The following HDAC9 variants were observed in gnomAD, a reference collection of about 807,000 sequenced individuals.
The protein encoded by HDAC9 is histone deacetylase 9.
HDAC9 carries 41 observed loss-of-function variants against 139.4 expected under a neutral mutation model. The ratio of observed to expected loss-of-function variants is 0.29; its 90% CI spans 0.23 to 0.38. The LOEUF is 0.38. Among genes scored for constraint, HDAC9 ranks in the 10% least tolerant of loss-of-function variants. The pLI, the probability that HDAC9 is intolerant of heterozygous loss-of-function variation, is 1.00. For synonymous variants in HDAC9, 517 were observed against 476.2 expected, an observed-to-expected ratio of 1.09 and a Z score of -1.12; for missense variants, 1,147 against 1,297.0, an observed-to-expected ratio of 0.88 and a Z score of 1.78.
chr7:18,092,193 C>G (rs1782204078), intron 1 of HDAC9, among the ~76,000 whole-genome samples: 1 of 152,046 alleles, frequency 6.6e-6, no homozygotes, highest in Non-Finnish European at 1.5e-5. Flanking sequence ...CAAGATCAGC[C>G]TGGGCAACAT....
At chr7:18,526,407 G>A (rs1212987952) in intron 2 of HDAC9, among the ~76,000 whole-genome samples, 2 of 152,128 alleles carry the variant, frequency 1.3e-5, no homozygotes, top group Non-Finnish European at 2.9e-5. Flanking sequence ...TATGAGCAAT[G>A]GAAACTTTTG....
intron 1 of HDAC9, among the ~76,000 whole-genome samples, chr7:18,413,097 A>G (rs995974549): frequency 3.9e-5 from 6 of 152,200 alleles, no homozygotes; most frequent in African/African-American, 1.4e-4. Context: ...AAAGGCATTC[A>G]TTAGTTTTAG....
At chr7:18,094,740 G>A (rs1232844680) in intron 1 of HDAC9, among the ~76,000 whole-genome samples, 1 of 152,074 alleles carries the variant, frequency 6.6e-6, no homozygotes, top group African/African-American at 2.4e-5. Context: ...ACAAATGTGA[G>A]CCACCGTGCC....
chr7:18,510,331 A>T (rs1009243473), intron 2 of HDAC9, among the ~76,000 whole-genome samples: 2 of 152,230 alleles, frequency 1.3e-5, no homozygotes, highest in African/African-American at 2.4e-5. Context: ...GTGAAATGTG[A>T]AATAGCTAAT....
intron 1 of HDAC9, among the ~76,000 whole-genome samples, chr7:18,126,598 C>G (rs1784687539): frequency 6.6e-6 from 1 of 152,202 alleles, no homozygotes; most frequent in Non-Finnish European, 1.5e-5. Context: ...GGTGAGCTCT[C>G]TCCTGCTGAG....
intron 2 of HDAC9, among the ~76,000 whole-genome samples, chr7:18,550,676 G>A (rs1373664583): frequency 1.3e-5 from 2 of 152,158 alleles, no homozygotes; most frequent in Admixed American, 1.3e-4. Context: ...TGATCTGAGC[G>A]ATGCATTTTC....
At chr7:18,569,991 G>T (rs1265124067) in intron 2 of HDAC9, among the ~76,000 whole-genome samples, 1 of 152,094 alleles carries the variant, frequency 6.6e-6, no homozygotes, top group Non-Finnish European at 1.5e-5. Flanking sequence ...CAAAATTTAT[G>T]AATAATACAC....
intron 25 of HDAC9, among the ~76,000 whole-genome samples, chr7:18,995,594 A>G (rs1786399810): frequency 6.6e-6 from 1 of 152,244 alleles, no homozygotes; most frequent in Admixed American, 6.5e-5. Flanking sequence ...ATGAAAGAAC[A>G]GAAGCAAAAA....
intron 2 of HDAC9, among the ~76,000 whole-genome samples, chr7:18,512,513 A>G (rs1801844838): frequency 6.6e-6 from 1 of 152,206 alleles, no homozygotes; most frequent in Admixed American, 6.5e-5. Context: ...GCTCAGGAAT[A>G]GGAAGACTAC....
chr7:18,790,003 A>G (rs189492173), intron 16 of HDAC9, among the ~76,000 whole-genome samples: 32 of 152,288 alleles, frequency 2.1e-4, no homozygotes, highest in African/African-American at 7.7e-4. Context: ...ACCATTGAGA[A>G]TATTGGAAAG....
intron 1 of HDAC9, among the ~76,000 whole-genome samples, chr7:18,345,250 A>G (rs145272044): frequency 6.6e-6 from 1 of 152,160 alleles, no homozygotes; most frequent in East Asian, 1.9e-4. Context: ...GTCCTTGTGT[A>G]CAAAATGACT....
intron 1 of HDAC9, among the ~76,000 whole-genome samples, chr7:18,134,494 A>C (rs1390563992): frequency 6.6e-6 from 1 of 152,180 alleles, no homozygotes; most frequent in African/African-American, 2.4e-5. Context: ...AGAAATTCTC[A>C]CGCATGACTC....
intron 2 of HDAC9, among the ~76,000 whole-genome samples, chr7:18,205,024 C>T (rs567814324): frequency 4.6e-5 from 7 of 151,892 alleles, no homozygotes; most frequent in African/African-American, 1.7e-4. Flanking sequence ...TGTTTATAAA[C>T]CCACGGATAC....
At chr7:18,208,294 A>C (rs1791685053) in intron 2 of HDAC9, among the ~76,000 whole-genome samples, 1 of 151,916 alleles carries the variant, frequency 6.6e-6, no homozygotes, top group African/African-American at 2.4e-5. Flanking sequence ...CAACAAACAA[A>C]ATGACTCCCC....
intron 1 of HDAC9, among the ~76,000 whole-genome samples, chr7:18,098,521 G>T (rs183797689): frequency 2.6e-5 from 4 of 152,272 alleles, no homozygotes; most frequent in Admixed American, 2.6e-4. Flanking sequence ...CTTGCCTTTT[G>T]TTCATTTTTT....
At chr7:18,366,896 GAAA>G (rs57646566) in intron 1 of HDAC9, among the ~76,000 whole-genome samples, 1 of 151,658 alleles carries the variant, frequency 6.6e-6, no homozygotes, top group Non-Finnish European at 1.5e-5. Flanking sequence ...AGTTTAGTAA[GAAA>G]AAAATCTATA....
At chr7:18,843,260 C>A (rs1796702119) in intron 21 of HDAC9, among the ~76,000 whole-genome samples, 1 of 152,018 alleles carries the variant, frequency 6.6e-6, no homozygotes, top group Non-Finnish European at 1.5e-5. Flanking sequence ...ATTATATAAC[C>A]CTTGCCTGCA....
chr7:18,553,245 G>A (rs1048325539), intron 2 of HDAC9, among the ~76,000 whole-genome samples: 2 of 151,982 alleles, frequency 1.3e-5, no homozygotes, highest in African/African-American at 2.4e-5. Context: ...GAAACCTAAC[G>A]CTCCTGCTAC....
At chr7:18,113,530 A>T (rs57614658) in intron 1 of HDAC9, among the ~76,000 whole-genome samples, 2,573 of 152,342 alleles carry the variant, frequency 0.017, 86 homozygotes, top group African/African-American at 0.059. Context: ...CATTCATTGC[A>T]TGCATGGATA....
Sources: gnomAD v4.1 joint callset for allele counts (sites outside exome capture counted in the v4.1 genomes callset) on GRCh38, gnomAD v4.1.1 for gene constraint, MANE v1.5 for transcripts, NCBI Gene and HGNC (gene_info 2026-07-23, HGNC 2026-07-21) for gene names.